The following NDUFS7 variants were observed in gnomAD, a reference collection of about 807,000 sequenced individuals.
NDUFS7 encodes the protein NADH dehydrogenase [ubiquinone] iron-sulfur protein 7, mitochondrial.
Under a neutral mutation model 31.1 loss-of-function variants are expected in NDUFS7, and 11 were observed. The ratio of observed to expected loss-of-function variants is 0.35; its 90% CI spans 0.22 to 0.59. The LOEUF is 0.59. NDUFS7 is among the 20% of genes least tolerant of loss of function. The pLI, the probability that NDUFS7 is intolerant of heterozygous loss-of-function variation, is 0.79. For synonymous variants in NDUFS7, 136 were observed against 127.9 expected (o/e 1.06, Z -0.43); for missense variants, 263 against 324.2 (o/e 0.81, Z 1.45).
At chr19:1,384,402 C>T (rs1417781163) in intron 1 of NDUFS7, among the ~76,000 whole-genome samples, 1 of 152,228 alleles carries the variant, frequency 6.6e-6, no homozygotes, top group Non-Finnish European at 1.5e-5. Flanking sequence ...CCCTCCACCT[C>T]CCTCCCCACC....
intron 4 of NDUFS7, 96 bp from the exon 5 acceptor site, chr19:1,390,775 A>C: frequency 7.1e-7 from 1 of 1,416,406 alleles, no homozygotes; most frequent in South Asian, 1.2e-5. Context: ...CCGCCCCGGG[A>C]CATGAGTCGG....
intron 7 of NDUFS7, chr19:1,394,335 G>T (rs1197973266): frequency 4.7e-6 from 6 of 1,285,474 alleles, no homozygotes; most frequent in Non-Finnish European, 6.1e-6. Flanking sequence ...CAGGAGCTCT[G>T]CCCATGCCCC....
At chr19:1,384,563 C>A (rs1233262718) in intron 1 of NDUFS7, among the ~76,000 whole-genome samples, 2 of 152,182 alleles carry the variant, frequency 1.3e-5, no homozygotes, top group Non-Finnish European at 2.9e-5. Context: ...CACGGAGAGG[C>A]AGTTATTAAA....
Position 1,394,870 on chromosome 19 carries a change from G to C in NDUFS7, c.545-521G>C, listed in dbSNP as rs73920452. ...TCCTCTTGCTCAAGCCCTTTGTTCT[G>C]AACCTGCGTGGCAGCCGGGACTGGG... On this transcript the variant is annotated intron_variant, in intron 7 of 7. Transcript: ENST00000233627. 2.0e-3 allele frequency: 2,201 copies of C among 1,128,096 alleles called. 39 individuals are homozygous for C. The African/African-American group carries it at 0.033, about 17-fold the overall frequency. 69.9% of individuals were successfully genotyped at this position (1,128,096 alleles called of 1,614,324 possible). A position where few individuals can be genotyped will look rare whatever the true frequency, so the allele number is the denominator to read the frequency against.
chr19:1,393,765 T>A lies in NDUFS7; in HGVS notation c.544+435T>A. On this transcript the variant is annotated intron_variant, in intron 7 of 7. Coordinates refer to ENST00000233627, the MANE Select transcript of NDUFS7 (RefSeq NM_024407.5). This position sits in a 1 kb window ranked among gnomAD's most constrained non-coding sequence, Gnocchi z 7.3. ...GCAAATGAAAACGTGGGAGGCTTAGTTTGACTGTGAGGTTAGGGTGAATTT... is the reference window on the plus strand; with the variant it reads ...GCAAATGAAAACGTGGGAGGCTTAGATTGACTGTGAGGTTAGGGTGAATTT... 2.1e-6 allele frequency: 1 copy of A among 469,760 alleles called. No homozygotes were observed. Among genetic ancestry groups the A allele is most frequent in the East Asian group, 3.9e-5 (1 of 25,924 alleles). 29.1% of individuals were successfully genotyped at this position (469,760 alleles called of 1,614,324 possible).
At position 1,393,401 on chromosome 19, in the gene NDUFS7, CCT is replaced by C. The variant is rs1568996855; in HGVS notation, c.544+72_544+73del. The C allele has an allele frequency of 2.2e-6, 3 of 1,341,180 alleles. No individual in the cohort carries two copies. The highest frequency in any genetic ancestry group is 1.2e-5 in the South Asian group (1 of 80,122). 83.1% of individuals were successfully genotyped at this position (1,341,180 alleles called of 1,614,324 possible). ...CAGCGCCACACGGAGCCCGGCGGCC[CCT>C]GTGAGGGAGTCCCACACCCCCAGCA... On this transcript the variant is annotated intron_variant, in intron 7 of 7. Coordinates refer to ENST00000233627, the MANE Select transcript of NDUFS7 (RefSeq NM_024407.5). The surrounding 1 kb of genome is among the most constrained non-coding windows in gnomAD (Gnocchi z 7.3).
rs1272163564 is a variant in NDUFS7, at chr19:1,388,734, T to G, written c.123-99T>G. 2.8e-6 allele frequency: 4 copies of G among 1,445,222 alleles called. No individual in the cohort carries two copies. In the South Asian group the frequency reaches 3.6e-5, roughly 13 times the overall value. 89.5% of individuals were successfully genotyped at this position (1,445,222 alleles called of 1,614,324 possible). On this transcript the variant is annotated intron_variant, in intron 3 of 7. Coordinates refer to ENST00000233627, the MANE Select transcript of NDUFS7 (RefSeq NM_024407.5). ...ACACATCCCAGTCCCTGACCTCATG[T>G]GGGTCCAGGCCTCTGGCAGCGGCCG...
intron 7 of NDUFS7, chr19:1,394,136 G>A: frequency 2.9e-6 from 1 of 344,542 alleles, no homozygotes; most frequent in Non-Finnish European, 5.7e-6. Context: ...TGGGGGTTTG[G>A]GCAAGCGAGA....
chr19:1,389,111 A>G (rs1026059359), intron 4 of NDUFS7, 173 bp downstream of exon 4: 3 of 716,766 alleles, frequency 4.2e-6, no homozygotes, highest in Non-Finnish European at 7.5e-6. Flanking sequence ...GTGTACACGG[A>G]CCACACGCAC....
rs576885917 is a variant in NDUFS7, at chr19:1,389,281, G to A, written c.228+343G>A. On this transcript the variant is annotated intron_variant, in intron 4 of 7. Coordinates refer to ENST00000233627, the MANE Select transcript of NDUFS7 (RefSeq NM_024407.5). Reference sequence around the variant, plus strand: ...CATATACACATGCACACGCACACTCGCACACACGTGCACATATATGCACAG... The same window carrying A: ...CATATACACATGCACACGCACACTCACACACACGTGCACATATATGCACAG... 8.0e-3 allele frequency: 4,673 copies of A among 583,602 alleles called. 32 individuals carry two copies. The highest frequency in any genetic ancestry group is 0.012 in the South Asian group (771 of 64,434). 36.2% of individuals were successfully genotyped at this position (583,602 alleles called of 1,614,324 possible).
In NDUFS7 at chr19:1,383,960, G is replaced by C; in HGVS notation, c.16+18G>C. 6.4e-7 allele frequency: 1 copy of C among 1,563,316 alleles called. No individual in the cohort carries two copies. The highest frequency in any genetic ancestry group is 8.6e-7 in the Non-Finnish European group (1 of 1,156,166). On this transcript the variant is annotated intron_variant, in intron 1 of 7. Transcript: ENST00000233627. ...GCTGTCAGGTGAGCGCGGCACCGGC[G>C]GCGGGTGTGGGGCCGCGCGGGTCTG...
At position 1,393,209 on chromosome 19, in the gene NDUFS7, C is replaced by T. The variant is rs765580611; in HGVS notation, c.456-33C>T. Reference sequence around the variant, plus strand: ...GAGGGAGGGTGGGCAGGCGGGTCTTCGGCACACTCCCCTCACGGTGCCTCC... The same window carrying T: ...GAGGGAGGGTGGGCAGGCGGGTCTTTGGCACACTCCCCTCACGGTGCCTCC... On this transcript the variant is annotated intron_variant, in intron 6 of 7. Transcript: ENST00000233627. This position sits in a 1 kb window ranked among gnomAD's most constrained non-coding sequence, Gnocchi z 7.3. The T allele has an allele frequency of 2.7e-5, 42 of 1,533,932 alleles. No homozygotes were observed. The highest frequency in any genetic ancestry group is 1.7e-4 in the Middle Eastern group (1 of 5,960).
At chr19:1,394,803 C>T in intron 7 of NDUFS7, 2 of 1,174,244 alleles carry the variant, frequency 1.7e-6, no homozygotes, top group Non-Finnish European at 2.1e-6. Flanking sequence ...TCCTTTCTCA[C>T]CTGTTTCCAC....
chr19:1,395,411 G>A lies in NDUFS7; in HGVS notation c.565G>A (p.Ala189Thr). Residue 189 changes from alanine to threonine, a missense_variant, in exon 8 of 8, where the codon GCC becomes ACC. By Grantham distance (58) the Ala-to-Thr change is moderately conservative. Transcript: ENST00000233627. ...TGCAGGCTGCCCACCTACGGCCGAG[G>A]CCCTGCTCTACGGCATCCTGCAGCT... ...YIPGCPPTAE[A>T]LLYGILQLQR... is the part of the protein sequence containing the mutation. The A allele has an allele frequency of 6.2e-7, 1 of 1,601,866 alleles. No homozygotes were observed. The highest frequency in any genetic ancestry group is 8.5e-7 in the Non-Finnish European group (1 of 1,176,064).
chr19:1,388,606 T>C lies in NDUFS7; in HGVS notation c.122+13T>C. The C allele has an allele frequency of 6.2e-7, 1 of 1,611,176 alleles. No homozygotes were observed. The highest frequency in any genetic ancestry group is 8.5e-7 in the Non-Finnish European group (1 of 1,178,754). On this transcript the variant is annotated intron_variant, in intron 3 of 7. Coordinates refer to ENST00000233627, the MANE Select transcript of NDUFS7 (RefSeq NM_024407.5). The stretch of plus-strand genomic sequence containing the variant: ...ATGGCCCAAGCAGGTGAAGCTGGCC[T>C]TCTGGGGGAGGTCGTACCCCCTCGC...
At position 1,391,261 on chromosome 19, in the gene NDUFS7, C is replaced by T. The variant is rs981913320; in HGVS notation, c.455+96C>T. The T allele has an allele frequency of 8.9e-6, 13 of 1,458,078 alleles. No homozygotes were observed. In the African/African-American group the frequency reaches 1.7e-4, roughly 19 times the overall value. 90.3% of individuals were successfully genotyped at this position (1,458,078 alleles called of 1,614,324 possible). On this transcript the variant is annotated intron_variant, in intron 6 of 7. Transcript: ENST00000233627. ...GCTTATCAAAAGTGTCATCTACATT[C>T]AGTGAAATCCCACGTGGTCCCGGCG... is the stretch of plus-strand genomic sequence containing the variant.
chr19:1,394,331 C>T, intron 7 of NDUFS7: 1 of 1,282,948 alleles, frequency 7.8e-7, no homozygotes, highest in South Asian at 1.2e-5. Context: ...GGGTCAGGAG[C>T]TCTGCCCATG....
rs144570086 is a variant in NDUFS7, at chr19:1,395,407, C to A, written c.561C>A (p.Ala187=). The part of the protein sequence containing the change: ...DIYIPGCPPT[A]EALLYGILQL... ...TCCCTGCAGGCTGCCCACCTACGGCCGAGGCCCTGCTCTACGGCATCCTGC... is the reference window on the plus strand; with the variant it reads ...TCCCTGCAGGCTGCCCACCTACGGCAGAGGCCCTGCTCTACGGCATCCTGC... Residue 187 remains alanine (A), a synonymous_variant, in exon 8 of 8, where the codon GCC becomes GCA. Transcript: ENST00000233627. The A allele has an allele frequency of 7.5e-6, 12 of 1,601,310 alleles. No individual in the cohort carries two copies. Among genetic ancestry groups the A allele is most frequent in the Middle Eastern group, 1.7e-4 (1 of 6,020 alleles).
chr19:1,387,061 G>T (rs181456013), intron 1 of NDUFS7: 32 of 153,124 alleles, frequency 2.1e-4, no homozygotes, highest in African/African-American at 7.7e-4. Flanking sequence ...GTGCAGGCGC[G>T]TTCCCTCCTC....
Sources: gnomAD v4.1 joint callset for allele counts (sites outside exome capture counted in the v4.1 genomes callset) on GRCh38, gnomAD v4.1.1 for gene constraint, Gnocchi (gnomAD v3.1) non-coding constraint, MANE v1.5 for transcripts, NCBI Gene and HGNC (gene_info 2026-07-23, HGNC 2026-07-21) for gene names.